The following RPGRIP1L variants were observed in gnomAD, a reference collection of about 807,000 sequenced individuals.
RPGRIP1L encodes protein fantom.
Under a neutral mutation model 160.4 loss-of-function variants are expected in RPGRIP1L, and 131 were observed. That is an observed-to-expected ratio of 0.82 (90% CI 0.71 to 0.94). The LOEUF is 0.94. Among genes scored for constraint, RPGRIP1L ranks in the 40% least tolerant of loss-of-function variants. The pLI is 0.00. For missense variants in RPGRIP1L, 1,522 were observed against 1,535.8 expected (o/e 0.99, Z 0.15); for synonymous variants, 510 against 515.8 (o/e 0.99, Z 0.15).
intron 22 of RPGRIP1L, among the ~76,000 whole-genome samples, chr16:53,626,689 C>T (rs1407617081): frequency 6.6e-6 from 1 of 151,340 alleles, no homozygotes; most frequent in East Asian, 1.9e-4. Flanking sequence ...ACTGTAATCC[C>T]GGCTACTCGG....
At chr16:53,681,636 A>G (rs1459212432) in intron 6 of RPGRIP1L, among the ~76,000 whole-genome samples, 1 of 152,204 alleles carries the variant, frequency 6.6e-6, no homozygotes, top group Non-Finnish European at 1.5e-5. Context: ...AACAGGAAAA[A>G]ACATGATTTT....
rs1350792169 is a variant in RPGRIP1L at position 53,599,678 on chromosome 16, T to A, written c.*2398A>T. On this transcript the variant is annotated 3_prime_UTR_variant, in exon 27 of 27. Transcript: ENST00000647211. ...CAAGCCCTCTTCAATGGATCCAGTTTGGCTCACCAAGAGAAATCCACTGCT... is the reference window on the plus strand; with the variant it reads ...CAAGCCCTCTTCAATGGATCCAGTTAGGCTCACCAAGAGAAATCCACTGCT... The A allele has an allele frequency of 6.6e-6, 1 of 152,212 alleles. No homozygotes were observed. Among genetic ancestry groups the A allele is most frequent in the Admixed American group, 6.5e-5 (1 of 15,280 alleles). The allele number at this position is 152,212 out of a possible 1,614,324, so 9.4% of individuals were successfully genotyped here.
chr16:53,630,857 C>T (rs1048114514), intron 22 of RPGRIP1L, among the ~76,000 whole-genome samples: 3 of 152,034 alleles, frequency 2.0e-5, no homozygotes, highest in Non-Finnish European at 4.4e-5. Context: ...CCTCCCCTCC[C>T]GAGTAGCTGG....
At chr16:53,689,748 C>G (rs551124156) in intron 4 of RPGRIP1L, among the ~76,000 whole-genome samples, 1 of 152,234 alleles carries the variant, frequency 6.6e-6, no homozygotes, top group South Asian at 2.1e-4. Context: ...GTTAAAGTGT[C>G]AGTTTTGGTA....
intron 10 of RPGRIP1L, 172 bp from the exon 11 acceptor site, chr16:53,659,050 G>A: frequency 1.5e-6 from 1 of 655,160 alleles, no homozygotes; most frequent in South Asian, 1.9e-5. Context: ...AGGAATAAAT[G>A]AACACTATCA....
chr16:53,621,503 C>T (rs946360929), intron 23 of RPGRIP1L, among the ~76,000 whole-genome samples: 12 of 150,002 alleles, frequency 8.0e-5, no homozygotes, highest in Non-Finnish European at 1.5e-4. Context: ...AATTCTCTGA[C>T]CAATACACCT....
chr16:53,687,942 C>T lies in RPGRIP1L; in HGVS notation c.553G>A (p.Val185Ile), dbSNP rs1490627518. Residue 185 changes from valine (V) to isoleucine (I), a missense_variant, in exon 5 of 27, where the codon GTA becomes ATA. Physicochemically the swap from Val to Ile is conservative, Grantham distance 29. Coordinates refer to ENST00000647211, the MANE Select transcript of RPGRIP1L (RefSeq NM_015272.5). ...RKGIKFQDAD[V>I]AETPHPMFTK... ...AACATGGGATGTGGAGTTTCTGCTA[C>T]ATCTGCATCTTGGAATTTTATACCT... 1.3e-5 allele frequency: 21 copies of T among 1,608,336 alleles called. No individual in the cohort carries two copies. The highest frequency in any genetic ancestry group is 1.7e-5 in the Non-Finnish European group (20 of 1,175,414).
chr16:53,608,500 T>G (rs1467693157), intron 25 of RPGRIP1L, among the ~76,000 whole-genome samples: 1 of 152,182 alleles, frequency 6.6e-6, no homozygotes, highest in African/African-American at 2.4e-5. Context: ...AAACTATGAC[T>G]TCAAATAAAT....
At chr16:53,632,338 T>C (rs576097493) in intron 22 of RPGRIP1L, among the ~76,000 whole-genome samples, 124 of 152,336 alleles carry the variant, frequency 8.1e-4, no homozygotes, top group African/African-American at 2.9e-3. Flanking sequence ...ATAGAGGCAA[T>C]TTTTTAAAAA....
chr16:53,697,769 C>T (rs1970912776), intron 2 of RPGRIP1L, among the ~76,000 whole-genome samples: 1 of 152,124 alleles, frequency 6.6e-6, no homozygotes. Context: ...AGTGCAGCCT[C>T]TGCCCGGCCG....
At chr16:53,670,454 A>G (rs1968618989) in intron 9 of RPGRIP1L, among the ~76,000 whole-genome samples, 1 of 152,016 alleles carries the variant, frequency 6.6e-6, no homozygotes, top group Non-Finnish European at 1.5e-5. Flanking sequence ...TATCAGTATC[A>G]TATACTAAAA....
At chr16:53,626,756 G>A (rs1046112620) in intron 22 of RPGRIP1L, among the ~76,000 whole-genome samples, 7 of 145,878 alleles carry the variant, frequency 4.8e-5, no homozygotes, top group African/African-American at 1.8e-4. Flanking sequence ...AGTGAGGTGA[G>A]ACTGCACTAC....
chr16:53,695,640 C>G, intron 3 of RPGRIP1L: 2 of 567,330 alleles, frequency 3.5e-6, no homozygotes, highest in South Asian at 2.3e-5. Flanking sequence ...AGTGACAATA[C>G]TGTTTCTTCA....
At chr16:53,622,180 T>C (rs1046240213) in intron 23 of RPGRIP1L, 39 bp downstream of exon 23, 1 of 603,380 alleles carries the variant, frequency 1.7e-6, no homozygotes, top group Non-Finnish European at 3.0e-6. Flanking sequence ...ATGGCCAACA[T>C]AGTGAAACCC....
chr16:53,656,848 C>T (rs1250827545), intron 13 of RPGRIP1L, among the ~76,000 whole-genome samples: 1 of 152,202 alleles, frequency 6.6e-6, no homozygotes, highest in Non-Finnish European at 1.5e-5. Context: ...ACAGTTATGG[C>T]ATGACTTCAG....
At chr16:53,663,529 T>C (rs759453945) in intron 10 of RPGRIP1L, among the ~76,000 whole-genome samples, 25 of 152,080 alleles carry the variant, frequency 1.6e-4, no homozygotes, top group Admixed American at 4.6e-4. Flanking sequence ...CACTTCCACA[T>C]TTTTACCTAA....
At chr16:53,634,362 C>T (rs539276888) in intron 22 of RPGRIP1L, among the ~76,000 whole-genome samples, 4 of 152,126 alleles carry the variant, frequency 2.6e-5, no homozygotes, top group Non-Finnish European at 5.9e-5. Flanking sequence ...ATTATGATTT[C>T]TTGAGTTTTG....
At chr16:53,646,044 TTAAAA>T (rs760180527) in intron 16 of RPGRIP1L, 41 bp from the exon 17 acceptor site, 20 of 1,595,414 alleles carry the variant, frequency 1.3e-5, no homozygotes, top group Non-Finnish European at 1.6e-5. Context: ...AATAACACAG[TTAAAA>T]GATGAACAGC....
At chr16:53,682,187 T>C (rs1158453795) in intron 6 of RPGRIP1L, among the ~76,000 whole-genome samples, 4 of 152,198 alleles carry the variant, frequency 2.6e-5, no homozygotes, top group Non-Finnish European at 5.9e-5. Flanking sequence ...GCAAATAACA[T>C]GTAAATTTTC....
Sources: allele counts gnomAD v4.1 joint callset (sites outside exome capture counted in the v4.1 genomes callset), GRCh38; gene constraint gnomAD v4.1.1; transcripts MANE v1.5; gene names NCBI Gene and HGNC (gene_info 2026-07-23, HGNC 2026-07-21).